The following GPR143 variants were observed in gnomAD, a reference collection of about 807,000 sequenced individuals.
GPR143 encodes G-protein coupled receptor 143.
A neutral mutation model predicts 27.6 loss-of-function variants in GPR143; 8 were observed. That is an observed-to-expected ratio of 0.29 (90% CI 0.17 to 0.52). The LOEUF (loss-of-function observed/expected upper bound fraction) is 0.52. Ranked by LOEUF, GPR143 falls within the 20% of genes least tolerant of loss-of-function variation. The pLI is 0.96. For missense variants in GPR143, 303 were observed against 343.1 expected, an observed-to-expected ratio of 0.88 and a Z score of 0.92; for synonymous variants, 156 against 153.2, an observed-to-expected ratio of 1.02 and a Z score of -0.13.
At chrX:9,731,810 A>G (rs780502915) in intron 8 of GPR143, among the ~76,000 whole-genome samples, 1,325 of 96,241 alleles carry the variant, frequency 0.014, 34 homozygotes, top group African/African-American at 0.044. Context: ...GGGGGGGGGG[A>G]AGGAATTGTG....
chrX:9,733,423 TGTG>T (rs2083364610), intron 8 of GPR143, among the ~76,000 whole-genome samples: 1 of 107,080 alleles, frequency 9.3e-6, no homozygotes, highest in African/African-American at 3.4e-5. Flanking sequence ...AAATAGTAAT[TGTG>T]GGAAAGATGG....
chrX:9,770,333 G>GAGAA (rs1297596669), upstream of GPR143, among the ~76,000 whole-genome samples: 2 of 29,851 alleles, frequency 6.7e-5, no homozygotes, highest in African/African-American at 1.6e-4. Context: ...AAGAGAGAGA[G>GAGAA]AGAGAGAGAG....
chrX:9,755,330 A>C (rs932667987), intron 3 of GPR143, among the ~76,000 whole-genome samples: 1 of 111,707 alleles, frequency 9.0e-6, no homozygotes, highest in African/African-American at 3.3e-5. Flanking sequence ...AGGCAGGAGA[A>C]TCGCTTGAAC....
At chrX:9,743,948 A>G (rs1342171233) in intron 5 of GPR143, among the ~76,000 whole-genome samples, 1 of 112,719 alleles carries the variant, frequency 8.9e-6, no homozygotes, top group Non-Finnish European at 1.9e-5. Context: ...GTATATCCCT[A>G]CCCTTTACCC....
intron 8 of GPR143, among the ~76,000 whole-genome samples, chrX:9,736,756 G>A (rs1425267088): frequency 1.8e-5 from 2 of 112,190 alleles, no homozygotes; most frequent in African/African-American, 6.5e-5. Flanking sequence ...AAAAAATACC[G>A]ATTGTATTTC....
intron 6 of GPR143, among the ~76,000 whole-genome samples, chrX:9,742,870 G>T (rs1418837422): frequency 1.8e-5 from 2 of 111,596 alleles, no homozygotes; most frequent in Admixed American, 1.9e-4. Context: ...ACTTTGGGAG[G>T]CCTAGACGGG....
At chrX:9,740,874 G>C (rs1467866289) in intron 7 of GPR143, 4 of 278,085 alleles carry the variant, frequency 1.4e-5, no homozygotes, top group African/African-American at 1.2e-4. Flanking sequence ...ATTCCTTCAA[G>C]ATCCATGCTC....
In GPR143 at chrX:9,761,732, T is replaced by A. The variant is rs139840441; in HGVS notation, c.251-906A>T. Among the ~76,000 whole-genome samples the A allele has an allele frequency of 1.6e-3, 186 of 112,798 alleles. 2 individuals carry two copies. The East Asian group carries it at 0.044, about 27-fold the overall frequency. On this transcript the variant is annotated intron_variant, in intron 1 of 8. Transcript: ENST00000467482. ...TGCTATTAGACCCAAATGTCTAATA[T>A]CCTCAAAACAGTATGCACACTCATG... is the stretch of plus-strand genomic sequence containing the variant.
intron 1 of GPR143, among the ~76,000 whole-genome samples, chrX:9,762,832 A>G (rs372072886): frequency 9.0e-6 from 1 of 111,663 alleles, no homozygotes; most frequent in East Asian, 2.8e-4. Flanking sequence ...GGTCCCGATC[A>G]CCCAGCCTTT....
chrX:9,754,654 A>T (rs2083465942), intron 3 of GPR143, among the ~76,000 whole-genome samples: 1 of 110,934 alleles, frequency 9.0e-6, no homozygotes, highest in Admixed American at 9.6e-5. Context: ...GAACTCCCAA[A>T]TACTATCCTT....
chrX:9,741,884 C>A (rs1168475724), intron 6 of GPR143, among the ~76,000 whole-genome samples: 1 of 111,433 alleles, frequency 9.0e-6, no homozygotes, highest in Non-Finnish European at 1.9e-5. Context: ...CAAAGTGAGA[C>A]CCTGTCTCAG....
chrX:9,729,561 A>C (rs143370317), intron 8 of GPR143, among the ~76,000 whole-genome samples: 1,940 of 112,148 alleles, frequency 0.017, 38 homozygotes, highest in African/African-American at 0.061. Context: ...CAGCTCAATG[A>C]GTGCTTTCCA....
At chrX:9,775,492 C>G (rs1320918029) in intron 1 of GPR143, among the ~76,000 whole-genome samples, 2 of 111,679 alleles carry the variant, frequency 1.8e-5, no homozygotes, top group Non-Finnish European at 3.8e-5. Flanking sequence ...TTTCGTAACT[C>G]TCACCTCCAC....
rs147369809 is a variant in GPR143 at position 9,760,813 on chromosome X, C to T, written c.264G>A (p.Arg88=). The T allele has an allele frequency of 1.2e-4, 129 of 1,106,608 alleles. No homozygotes were observed. The African/African-American group carries it at 2.2e-3, about 19-fold the overall frequency. 91.2% of individuals were successfully genotyped at this position (1,106,608 alleles called of 1,213,427 possible). A position where few individuals can be genotyped will look rare whatever the true frequency, so the allele number is the denominator to read the frequency against. ...TTGGGAATCCTAACCACACGGTGGACCGGATCACCATACCTAAGAGAGAAT... is the reference window on the plus strand; with the variant it reads ...TTGGGAATCCTAACCACACGGTGGATCGGATCACCATACCTAAGAGAGAAT... The part of the protein sequence containing the change: ...DLLGCLGMVI[R]STVWLGFPNF... The change falls in exon 2 of 9, where the codon CGG becomes CGA. Residue 88 remains arginine (R), a synonymous_variant. Coordinates refer to ENST00000467482, the MANE Select transcript of GPR143 (RefSeq NM_000273.3).
chrX:9,772,193 G>A (rs995470910), intron 1 of GPR143, among the ~76,000 whole-genome samples: 2 of 111,709 alleles, frequency 1.8e-5, no homozygotes, highest in East Asian at 2.8e-4. Flanking sequence ...GCAAATACGC[G>A]ATTTGTGTTG....
chrX:9,765,643 AC>A lies in GPR143; in HGVS notation c.174del (p.Ser59ProfsTer28). On this transcript the variant is annotated frameshift_variant, in exon 1 of 9. Transcript: ENST00000467482. LOFTEE classifies it high-confidence loss of function. ...GAGGCCGGCGGGGACGTCGCGGGGGACCCGGGGCCCGCGGGCCGGCGGCCGG... is the reference window on the plus strand; with the variant it reads ...GAGGCCGGCGGGGACGTCGCGGGGGACCGGGGCCCGCGGGCCGGCGGCCGG... ...LLPGRRPAGP[G>X]SPATSPPASV... 1.0e-6 allele frequency: 1 copy of A among 976,778 alleles called. No homozygotes were observed. Among genetic ancestry groups the A allele is most frequent in the South Asian group, 3.9e-5 (1 of 25,447 alleles). The allele number at this position is 976,778 out of a possible 1,213,427, so 80.5% of individuals were successfully genotyped here.
chrX:9,746,551 A>G (rs1356167991), intron 4 of GPR143, among the ~76,000 whole-genome samples: 1 of 111,484 alleles, frequency 9.0e-6, no homozygotes, highest in Non-Finnish European at 1.9e-5. Context: ...TACTTACTAC[A>G]TGGTTTTGGG....
intron 6 of GPR143, among the ~76,000 whole-genome samples, chrX:9,743,228 A>G (rs777787647): frequency 1.6e-3 from 173 of 108,275 alleles, no homozygotes; most frequent in Middle Eastern, 9.5e-3. Flanking sequence ...CAAAAAAAAA[A>G]AAAAAAAAAA....
In GPR143 at chrX:9,743,549, A is replaced by G. The variant is rs779896572; in HGVS notation, c.767+16T>C. The stretch of plus-strand genomic sequence containing the variant: ...CCACTGGCAATAAAAATACACATAT[A>G]TAGAAGAAAGGTTACCAAATAATTA... On this transcript the variant is annotated intron_variant, in intron 6 of 8. Transcript: ENST00000467482. 2 of 958,144 alleles carry G rather than the reference A, an allele frequency of 2.1e-6. No homozygotes were observed. The highest frequency in any genetic ancestry group is 3.0e-6 in the Non-Finnish European group (2 of 663,876). The allele number at this position is 958,144 out of a possible 1,213,427, so 79.0% of individuals were successfully genotyped here.
Sources: allele counts gnomAD v4.1 joint callset (sites outside exome capture counted in the v4.1 genomes callset), GRCh38; gene constraint gnomAD v4.1.1; transcripts MANE v1.5; gene names NCBI Gene and HGNC (gene_info 2026-07-23, HGNC 2026-07-21).